SYT2: variants seen among roughly 807,000 people sequenced by gnomAD.
SYT2 encodes synaptotagmin-2.
A neutral mutation model predicts 39.9 loss-of-function variants in SYT2; 15 were observed. The ratio of observed to expected loss-of-function variants is 0.38; its 90% CI spans 0.25 to 0.58. The LOEUF is 0.58. SYT2 is among the 20% of genes least tolerant of loss of function. The pLI is 0.70. For missense variants in SYT2, 389 were observed against 530.3 expected (o/e 0.73, Z 2.62); for synonymous variants, 181 against 204.5 (o/e 0.89, Z 0.98).
chr1:202,645,211 C>T (rs1379776342), intron 1 of SYT2, among the ~76,000 whole-genome samples: 1 of 152,102 alleles, frequency 6.6e-6, no homozygotes, highest in Non-Finnish European at 1.5e-5. Flanking sequence ...CAGGGGTTTC[C>T]CCCCACTCTG....
Position 202,622,812 on chromosome 1 carries a change from C to A in SYT2, c.-17-17023G>T, listed in dbSNP as rs528487993. 2.3e-4 allele frequency among the ~76,000 whole-genome samples: 35 copies of A among 152,312 alleles called. No homozygotes were observed. The South Asian group carries it at 3.1e-3, about 14-fold the overall frequency. ...TTTCTCTCTGAACCTAGACCCCAGG[C>A]ATGGATACCCTTAAATCACAGGCAA... On this transcript the variant is annotated intron_variant, in intron 1 of 8. Coordinates refer to ENST00000367268, the MANE Select transcript of SYT2 (RefSeq NM_177402.5).
At chr1:202,675,916 T>C (rs969861030) in intron 1 of SYT2, among the ~76,000 whole-genome samples, 11 of 152,238 alleles carry the variant, frequency 7.2e-5, no homozygotes, top group African/African-American at 2.2e-4. Context: ...CTAAACACTT[T>C]GCATCTTTCC....
At chr1:202,622,304 A>G (rs1278411219) in intron 1 of SYT2, among the ~76,000 whole-genome samples, 1 of 152,192 alleles carries the variant, frequency 6.6e-6, no homozygotes, top group African/African-American at 2.4e-5. Flanking sequence ...CATTCTGAAA[A>G]TAAGTTACCC....
Position 202,601,935 on chromosome 1 carries a change from C to A in SYT2, c.756G>T (p.Gln252His), listed in dbSNP as rs201827441. The change falls in exon 6 of 9, where the codon CAG (glutamine) becomes CAT (histidine). Residue 252 changes from glutamine (Q) to histidine (H), a missense_variant. By Grantham distance (24) the Gln-to-His change is conservative (BLOSUM62 0). Around this residue, in one of 4 missense-constraint regions of SYT2, gnomAD observed 280 missense variants for 335.6 expected, o/e 0.83. Transcript: ENST00000367268. The surrounding 1 kb of genome is among the most constrained non-coding windows in gnomAD (Gnocchi z 4.0). ...KVPMNTVDLG[Q>H]PIEEWRDLQG... ...GCAGGTCTCTCCACTCCTCAATGGG[C>A]TGGCCGAGGTCCACTGTGTTCATAG... 1 of 1,614,192 alleles carries A rather than the reference C, an allele frequency of 6.2e-7. No individual in the cohort carries two copies. The highest frequency in any genetic ancestry group is 2.2e-5 in the East Asian group (1 of 44,878).
intron 1 of SYT2, chr1:202,639,397 A>G: frequency 3.6e-6 from 2 of 556,618 alleles, no homozygotes; most frequent in South Asian, 1.6e-4. Flanking sequence ...TTGAGGGTCT[A>G]CAAGGGCTGG....
chr1:202,651,761 T>C (rs1261812158), intron 1 of SYT2, among the ~76,000 whole-genome samples: 1 of 152,198 alleles, frequency 6.6e-6, no homozygotes, highest in African/African-American at 2.4e-5. Context: ...AAGAATATGT[T>C]TAAATAAGTC....
chr1:202,666,389 C>A (rs936191746), intron 1 of SYT2, among the ~76,000 whole-genome samples: 1 of 152,130 alleles, frequency 6.6e-6, no homozygotes, highest in East Asian at 1.9e-4. Context: ...TCAGGACAGA[C>A]CAATACCCTA....
At position 202,628,554 on chromosome 1, in the gene SYT2, C is replaced by T. The variant is rs1691482193; in HGVS notation, c.-17-22765G>A. Among the ~76,000 whole-genome samples, 1 of 152,308 alleles carries T rather than the reference C, an allele frequency of 6.6e-6. No homozygotes were observed. The highest frequency in any genetic ancestry group is 2.1e-4 in the South Asian group (1 of 4,822). On this transcript the variant is annotated intron_variant, in intron 1 of 8. Transcript: ENST00000367268. This position sits in a 1 kb window ranked among gnomAD's most constrained non-coding sequence, Gnocchi z 4.2. ...TATGACAGCTCATGGTCTCCAGAAA[C>T]TAAAGTGGAGCATGCAAGTCCCGGG...
intron 1 of SYT2, among the ~76,000 whole-genome samples, chr1:202,645,978 G>A (rs1270000320): frequency 1.3e-5 from 2 of 152,226 alleles, no homozygotes; most frequent in African/African-American, 4.8e-5. Context: ...AGCAGGGCGA[G>A]GAAGGGATAA....
chr1:202,646,289 C>T (rs1404505334), intron 1 of SYT2, among the ~76,000 whole-genome samples: 1 of 152,240 alleles, frequency 6.6e-6, no homozygotes, highest in East Asian at 1.9e-4. Context: ...CATGCTCCTT[C>T]CTGCTGCAGA....
At chr1:202,600,021 A>G (rs1690442846) in intron 7 of SYT2, among the ~76,000 whole-genome samples, 1 of 152,166 alleles carries the variant, frequency 6.6e-6, no homozygotes, top group Non-Finnish European at 1.5e-5. Flanking sequence ...ACATGTCTCG[A>G]TTGTGGTGTC....
chr1:202,648,655 G>C (rs1241857674), intron 1 of SYT2, among the ~76,000 whole-genome samples: 1 of 152,220 alleles, frequency 6.6e-6, no homozygotes, highest in African/African-American at 2.4e-5. Context: ...CCATCTTCTG[G>C]AGTATGGATT....
intron 1 of SYT2, among the ~76,000 whole-genome samples, chr1:202,626,097 G>T (rs1314655753): frequency 6.6e-6 from 1 of 152,184 alleles, no homozygotes; most frequent in African/African-American, 2.4e-5. Flanking sequence ...GGAAGGGAAC[G>T]CTGGGGGTCT....
chr1:202,663,604 C>T (rs1024883951), intron 1 of SYT2, among the ~76,000 whole-genome samples: 3 of 152,164 alleles, frequency 2.0e-5, no homozygotes, highest in Admixed American at 6.5e-5. Context: ...TATAATATGC[C>T]TCATGTGCTC....
intron 1 of SYT2, among the ~76,000 whole-genome samples, chr1:202,672,788 A>G (rs1302239774): frequency 2.2e-5 from 2 of 90,144 alleles, no homozygotes; most frequent in Admixed American, 1.1e-4. Context: ...GGAGAGAGAG[A>G]GAGAGGCTAA....
At chr1:202,633,637 TA>T (rs1248664938) in intron 1 of SYT2, among the ~76,000 whole-genome samples, 1 of 152,056 alleles carries the variant, frequency 6.6e-6, no homozygotes, top group Non-Finnish European at 1.5e-5. Context: ...ACATAGAACT[TA>T]TATAGGATGG....
At chr1:202,658,582 G>A (rs1285469165) in intron 1 of SYT2, among the ~76,000 whole-genome samples, 1 of 152,164 alleles carries the variant, frequency 6.6e-6, no homozygotes, top group Non-Finnish European at 1.5e-5. Context: ...CAAGCTGTGA[G>A]TACGTGTGGC....
chr1:202,700,295 A>C (rs1335852705), intron 1 of SYT2, among the ~76,000 whole-genome samples: 1 of 152,148 alleles, frequency 6.6e-6, no homozygotes, highest in African/African-American at 2.4e-5. Flanking sequence ...CTTCTGAGAT[A>C]CAGAGAATGC....
At chr1:202,709,436 A>G (rs1020862411) in intron 1 of SYT2, among the ~76,000 whole-genome samples, 6 of 152,224 alleles carry the variant, frequency 3.9e-5, no homozygotes, top group African/African-American at 1.4e-4. Flanking sequence ...TTTTAGTTGA[A>G]AAATAAAAGC....
Sources: allele counts gnomAD v4.1 joint callset (sites outside exome capture counted in the v4.1 genomes callset), GRCh38; gene constraint gnomAD v4.1.1; regional missense constraint gnomAD v4.1.1; non-coding constraint Gnocchi (gnomAD v3.1); transcripts MANE v1.5; gene names NCBI Gene and HGNC (gene_info 2026-07-23, HGNC 2026-07-21).